Variants in RNF214 observed in about 807,000 individuals in gnomAD.
RNF214 encodes ring finger protein 214.
RNF214 carries 25 observed loss-of-function variants against 75.9 expected under a neutral mutation model. The ratio of observed to expected loss-of-function variants is 0.33; its 90% confidence interval spans 0.24 to 0.46. The LOEUF (loss-of-function observed/expected upper bound fraction) is 0.46. RNF214 is among the 20% of genes least tolerant of loss of function. The pLI is 1.00. For synonymous variants in RNF214, 314 were observed against 308.8 expected (o/e 1.02, Z -0.18); for missense variants, 725 against 857.5 (o/e 0.85, Z 1.93).
intron 6 of RNF214, among the ~76,000 whole-genome samples, chr11:117,258,383 G>A (rs941484922): frequency 5.9e-5 from 9 of 151,850 alleles, no homozygotes; most frequent in Non-Finnish European, 8.8e-5. Context: ...TTTCTTTTTC[G>A]TTGAGAGGAG....
chr11:117,257,036 A>G (rs1051700601), intron 6 of RNF214, among the ~76,000 whole-genome samples: 26 of 152,182 alleles, frequency 1.7e-4, no homozygotes, highest in African/African-American at 6.3e-4. Flanking sequence ...AGTGAGTATA[A>G]TTATAAGAAT....
chr11:117,285,097 C>T lies in RNF214; in HGVS notation c.2058C>T (p.Phe686=). Residue 686 remains phenylalanine, a synonymous_variant, in exon 15 of 15, where the codon TTC becomes TTT. Coordinates refer to ENST00000300650, the MANE Select transcript of RNF214 (RefSeq NM_207343.4). The part of the protein sequence containing the change: ...THVLHKECIK[F]WAQTNTNDTC... Reference sequence around the variant, plus strand: ...TTCTTTCTTTCCAGTGTATCAAATTCTGGGCCCAGACCAACACAAATGACA... The same window carrying T: ...TTCTTTCTTTCCAGTGTATCAAATTTTGGGCCCAGACCAACACAAATGACA... 2 of 1,611,540 alleles carry T rather than the reference C, an allele frequency of 1.2e-6. No homozygotes were observed. The highest frequency in any genetic ancestry group is 1.7e-6 in the Non-Finnish European group (2 of 1,177,780).
intron 6 of RNF214, among the ~76,000 whole-genome samples, chr11:117,247,765 C>T (rs2925771): frequency 0.3 from 44,510 of 150,628 alleles, 7,188 homozygotes; most frequent in East Asian, 0.62. Context: ...GCAGGGGAAT[C>T]GCTTGAATCC....
chr11:117,285,166 G>A lies in RNF214; in HGVS notation c.*15G>A. ...CTCTTAAATGACGGACCTGACTGGG[G>A]AGGAAGAAGAAGAGAAACTGATGTG... On this transcript the variant is annotated 3_prime_UTR_variant, in exon 15 of 15. Transcript: ENST00000300650. 1.3e-6 allele frequency: 2 copies of A among 1,584,738 alleles called. No individual in the cohort carries two copies. The highest frequency in any genetic ancestry group is 1.7e-6 in the Non-Finnish European group (2 of 1,153,352).
intron 6 of RNF214, among the ~76,000 whole-genome samples, chr11:117,277,817 C>CA (rs1048643353): frequency 1.6e-4 from 24 of 151,048 alleles, no homozygotes; most frequent in African/African-American, 5.8e-4. Flanking sequence ...ACTAAAAATA[C>CA]AAAAAAAATT....
At position 117,245,440 on chromosome 11, in the gene RNF214, C is replaced by T. The variant is rs909911167; in HGVS notation, c.819+855C>T. Reference sequence around the variant, plus strand: ...CTGCAAGCTCCGCCTCCTGGATTCACGCCATTCTCCTGCCTCAGCCTCCCA... The same window carrying T: ...CTGCAAGCTCCGCCTCCTGGATTCATGCCATTCTCCTGCCTCAGCCTCCCA... On this transcript the variant is annotated intron_variant, in intron 5 of 14. Transcript: ENST00000300650. 6.6e-5 allele frequency among the ~76,000 whole-genome samples: 10 copies of T among 151,138 alleles called. No homozygotes were observed. In the East Asian group the frequency reaches 1.6e-3, roughly 24 times the overall value.
At chr11:117,269,973 T>G (rs913264648) in intron 6 of RNF214, among the ~76,000 whole-genome samples, 10 of 152,198 alleles carry the variant, frequency 6.6e-5, no homozygotes, top group African/African-American at 2.4e-4. Flanking sequence ...AAGTCTTACC[T>G]GGACGTGTTG....
chr11:117,266,973 CAAA>C (rs34374425), intron 6 of RNF214, among the ~76,000 whole-genome samples: 5 of 79,858 alleles, frequency 6.3e-5, no homozygotes, highest in Middle Eastern at 6.7e-3. Context: ...TCCTGCCTCA[CAAA>C]AAAAAAAAAA....
chr11:117,258,688 G>A (rs951643851), intron 6 of RNF214, among the ~76,000 whole-genome samples: 3 of 151,870 alleles, frequency 2.0e-5, no homozygotes, highest in Non-Finnish European at 4.4e-5. Context: ...ATGCACTTGA[G>A]TAATTCAGAC....
chr11:117,239,351 A>G (rs1050478690), intron 3 of RNF214: 5 of 546,308 alleles, frequency 9.2e-6, no homozygotes, highest in Non-Finnish European at 1.6e-5. Flanking sequence ...TTTATGACCT[A>G]CGTGTAGTCT....
chr11:117,279,881 T>C, intron 6 of RNF214, 27 bp from the exon 7 acceptor site: 1 of 1,550,256 alleles, frequency 6.5e-7, no homozygotes, highest in Non-Finnish European at 8.8e-7. Flanking sequence ...TCTTCCTTAG[T>C]CTTGTTCTTG....
chr11:117,249,208 A>G (rs1176246396), intron 6 of RNF214, among the ~76,000 whole-genome samples: 1 of 152,162 alleles, frequency 6.6e-6, no homozygotes. Context: ...TACAGGTGTG[A>G]GCTACCGTGC....
At chr11:117,265,345 G>T (rs746877410) in intron 6 of RNF214, among the ~76,000 whole-genome samples, 6 of 152,052 alleles carry the variant, frequency 3.9e-5, no homozygotes, top group Non-Finnish European at 8.8e-5. Context: ...AATTTTCTTG[G>T]ATAAAGTATC....
intron 6 of RNF214, among the ~76,000 whole-genome samples, chr11:117,253,574 G>T (rs2033451497): frequency 1.3e-5 from 2 of 152,176 alleles, no homozygotes; most frequent in Non-Finnish European, 2.9e-5. Context: ...AGGTGCGATG[G>T]CTTATGCCTG....
chr11:117,279,923 G>T lies in RNF214; in HGVS notation c.975G>T (p.Met325Ile), dbSNP rs1464341538. Residue 325 changes from methionine to isoleucine, a missense_variant, in exon 7 of 15, where the codon ATG (methionine) becomes ATT (isoleucine). Physicochemically the swap from Met to Ile is conservative, Grantham distance 10. This residue lies in a region of RNF214 where 363 missense variants were observed against 513.0 expected (regional missense o/e 0.71). Transcript: ENST00000300650. Reference sequence around the variant, plus strand: ...TATCTTACAGAGAGGTGTGGGAAATGGAACTGGATAGACTCAAGAATCAGG... The same window carrying T: ...TATCTTACAGAGAGGTGTGGGAAATTGAACTGGATAGACTCAAGAATCAGG... ...CEKGRREVWEMELDRLKNQDG... is the reference protein window; with the variant it reads ...CEKGRREVWEIELDRLKNQDG... The T allele has an allele frequency of 6.2e-7, 1 of 1,611,484 alleles. No homozygotes were observed. The highest frequency in any genetic ancestry group is 8.5e-7 in the Non-Finnish European group (1 of 1,178,622).
In RNF214 at chr11:117,234,385, G is replaced by A; in HGVS notation, c.107+6G>A. 1 of 1,578,750 alleles carries A rather than the reference G, an allele frequency of 6.3e-7. No individual in the cohort carries two copies. Among genetic ancestry groups the A allele is most frequent in the South Asian group, 1.1e-5 (1 of 90,380 alleles). On this transcript the variant is annotated splice_donor_region_variant and intron_variant, in intron 2 of 14. Transcript: ENST00000300650. ...GGTCTCCCAGATGGTCTAAGGTAAT[G>A]TGTGGACTCCTGACTGGGAAGATTC...
intron 5 of RNF214, among the ~76,000 whole-genome samples, chr11:117,245,234 G>A (rs1463299941): frequency 2.6e-5 from 4 of 151,006 alleles, no homozygotes; most frequent in African/African-American, 9.7e-5. Flanking sequence ...TGGGAGGATC[G>A]CTTAAACCCA....
intron 2 of RNF214, among the ~76,000 whole-genome samples, chr11:117,236,954 G>T (rs530712069): frequency 6.6e-6 from 1 of 152,332 alleles, no homozygotes; most frequent in African/African-American, 2.4e-5. Context: ...GTAACTTGCC[G>T]AGAGTCAAAC....
intron 6 of RNF214, among the ~76,000 whole-genome samples, chr11:117,259,010 G>A (rs184352318): frequency 1.3e-3 from 199 of 152,232 alleles, no homozygotes; most frequent in Non-Finnish European, 2.3e-3. Context: ...AAGCTGGAGT[G>A]CAGTGACATG....
Sources: allele counts gnomAD v4.1 joint callset (sites outside exome capture counted in the v4.1 genomes callset), GRCh38; gene constraint gnomAD v4.1.1; regional missense constraint gnomAD v4.1.1; transcripts MANE v1.5; gene names NCBI Gene and HGNC (gene_info 2026-07-23, HGNC 2026-07-21).